PRKAG3: variants seen among roughly 807,000 people sequenced by gnomAD.
PRKAG3 encodes protein kinase AMP-activated non-catalytic subunit gamma 3.
A neutral mutation model predicts 56.5 loss-of-function variants in PRKAG3; 39 were observed. The ratio of observed to expected loss-of-function variants is 0.69; its 90% CI spans 0.53 to 0.90. The LOEUF (loss-of-function observed/expected upper bound fraction) is 0.90, where lower values mean the gene tolerates loss of function less well. Among genes scored for constraint, PRKAG3 ranks in the 40% least tolerant of loss-of-function variants. The pLI is 0.00. For synonymous variants in PRKAG3, 243 were observed against 250.1 expected, an observed-to-expected ratio of 0.97 and a Z score of 0.27; for missense variants, 628 against 627.5, an observed-to-expected ratio of 1.00 and a Z score of -0.01.
chr2:218,828,435 T>C, intron 5 of PRKAG3, 84 bp downstream of exon 5: 1 of 1,377,116 alleles, frequency 7.3e-7, no homozygotes, highest in Non-Finnish European at 9.9e-7. Context: ...GCTTGTGGTA[T>C]ATCAGAGATC....
exon 3 of PRKAG3, chr2:218,830,817 C>T (rs369639527): frequency 9.3e-6 from 15 of 1,613,638 alleles, no homozygotes; most frequent in African/African-American, 2.7e-5. Context: ...TTTGGCCCTC[C>T]GTTTCCCACG....
chr2:218,823,519 A>T (rs1943884105), exon 13 of PRKAG3: 2 of 642,486 alleles, frequency 3.1e-6, no homozygotes, highest in East Asian at 3.5e-5. Context: ...GAGTCCTTAC[A>T]CTTGCAGTTT....
At chr2:218,824,197 G>T (rs1200817223) in intron 12 of PRKAG3, 25 bp downstream of exon 12, 1 of 1,614,032 alleles carries the variant, frequency 6.2e-7, no homozygotes, top group Non-Finnish European at 8.5e-7. Flanking sequence ...ATGTGTTGGG[G>T]GCATGAATGG....
chr2:218,826,898 G>A, intron 10 of PRKAG3, 30 bp downstream of exon 10: 1 of 1,613,404 alleles, frequency 6.2e-7, no homozygotes, highest in South Asian at 1.1e-5. Flanking sequence ...CCCCAGCCCA[G>A]CCCGAGCCTC....
chr2:218,823,157 G>A (rs1943879336), downstream of PRKAG3: 1 of 725,796 alleles, frequency 1.4e-6, no homozygotes. Context: ...TGCCAGCCAT[G>A]GTGAGTAGAT....
At chr2:218,830,556 G>C (rs1466955806) in intron 3 of PRKAG3, among the ~76,000 whole-genome samples, 175 bp from the exon 4 acceptor site, 2 of 152,230 alleles carry the variant, frequency 1.3e-5, no homozygotes, top group African/African-American at 4.8e-5. Flanking sequence ...CCATCTTTCT[G>C]AGTTGGCCAT....
At position 218,827,304 on chromosome 2, in the gene PRKAG3, T is replaced by C; in HGVS notation, c.945A>G (p.Ser315=). 1 of 1,614,186 alleles carries C rather than the reference T, an allele frequency of 6.2e-7. No homozygotes were observed. Among genetic ancestry groups the C allele is most frequent in the Non-Finnish European group, 8.5e-7 (1 of 1,180,036 alleles). The change falls in exon 9 of 13, where the codon TCA becomes TCG. Residue 315 remains serine, a synonymous_variant. Coordinates refer to ENST00000529249, the Ensembl canonical transcript of PRKAG3. This position sits in a 1 kb window ranked among gnomAD's most constrained non-coding sequence, Gnocchi z 5.3. ...GTGTGAGGATGTGGAGTACGTTGCC[T>C]GACACCGGGTCAAGAACAGGCAGGC...
intron 5 of PRKAG3, 92 bp from the exon 6 acceptor site, chr2:218,828,154 T>G: frequency 8.2e-7 from 1 of 1,215,718 alleles, no homozygotes; most frequent in Non-Finnish European, 1.2e-6. Context: ...GCCAGTGTCC[T>G]TGTGCTGAGA....
intron 4 of PRKAG3, 21 bp from the exon 5 acceptor site, chr2:218,828,621 G>C (rs1158082499): frequency 1.2e-6 from 2 of 1,606,154 alleles, no homozygotes; most frequent in Non-Finnish European, 1.7e-6. Context: ...AGGGAGAACA[G>C]TCAAGGGTGG....
chr2:218,831,295 G>C (rs918996808), intron 2 of PRKAG3, 41 bp downstream of exon 2: 3 of 1,491,820 alleles, frequency 2.0e-6, no homozygotes, highest in African/African-American at 2.8e-5. Context: ...CAAGGAGGTG[G>C]GGGAAGAGGT....
chr2:218,828,159 C>T, intron 5 of PRKAG3, 97 bp from the exon 6 acceptor site: 3 of 1,186,858 alleles, frequency 2.5e-6, no homozygotes, highest in East Asian at 2.6e-5. Context: ...TGTCCTTGTG[C>T]TGAGACACAG....
chr2:218,826,601 G>A (rs1943935622), intron 10 of PRKAG3: 1 of 369,312 alleles, frequency 2.7e-6, no homozygotes, highest in Non-Finnish European at 5.3e-6. Flanking sequence ...TGCACCACGT[G>A]TCCGGCTCCA....
At chr2:218,823,022 G>A, downstream of PRKAG3, 1 of 984,544 alleles carries the variant, frequency 1.0e-6, no homozygotes, top group Non-Finnish European at 1.2e-6. Context: ...GGGCATGCCC[G>A]AGGGCTTCTG....
chr2:218,831,368 G>A lies in PRKAG3; in HGVS notation c.41C>T (p.Ser14Phe), dbSNP rs758615697. 37 of 1,602,654 alleles carry A rather than the reference G, an allele frequency of 2.3e-5. No homozygotes were observed. The South Asian group carries it at 4.0e-4, about 17-fold the overall frequency. ...CTCAGAACCCCCAAGGCTGCTCCAGGAAGGGGTCTGTGGGGAGAAGAGTTT... is the reference window on the plus strand; with the variant it reads ...CTCAGAACCCCCAAGGCTGCTCCAGAAAGGGGTCTGTGGGGAGAAGAGTTT... The change falls in exon 2 of 13, where the codon TCC (serine) becomes TTC (phenylalanine). Residue 14 changes from serine to phenylalanine, a missense_variant. By Grantham distance (155) the Ser-to-Phe change is radical. Transcript: ENST00000529249.
At chr2:218,823,750 A>C in exon 13 of PRKAG3, 1 of 1,613,742 alleles carries the variant, frequency 6.2e-7, no homozygotes, top group African/African-American at 1.3e-5. Context: ...GGGATTGAGG[A>C]CTCAGATCTT....
At position 218,827,965 on chromosome 2, in the gene PRKAG3, C is replaced by G. The variant is rs377644280; in HGVS notation, c.774+39G>C. The G allele has an allele frequency of 6.3e-7, 1 of 1,593,928 alleles. No individual in the cohort carries two copies. Among genetic ancestry groups the G allele is most frequent in the Non-Finnish European group, 8.6e-7 (1 of 1,169,040 alleles). On this transcript the variant is annotated intron_variant, in intron 6 of 12. Transcript: ENST00000529249. This position sits in a 1 kb window ranked among gnomAD's most constrained non-coding sequence, Gnocchi z 5.3. ...CAGGAGGACTCCCCTCCGCCCCCGCCCCTCTGGGTGCCCATAAGATTCCCA... is the reference window on the plus strand; with the variant it reads ...CAGGAGGACTCCCCTCCGCCCCCGCGCCTCTGGGTGCCCATAAGATTCCCA...
intron 4 of PRKAG3, among the ~76,000 whole-genome samples, chr2:218,829,126 C>A (rs543188884): frequency 1.3e-5 from 2 of 152,044 alleles, no homozygotes; most frequent in Non-Finnish European, 2.9e-5. Flanking sequence ...TATTTTTTCA[C>A]GAACCATTAG....
downstream of PRKAG3, chr2:218,822,878 G>A (rs1197210993): frequency 2.3e-5 from 23 of 985,224 alleles, no homozygotes; most frequent in African/African-American, 1.6e-4. Context: ...GGGGCCATCC[G>A]ACCCAGTCAG....
At chr2:218,828,244 C>A (rs1943966462) in intron 5 of PRKAG3, among the ~76,000 whole-genome samples, 182 bp from the exon 6 acceptor site, 1 of 152,206 alleles carries the variant, frequency 6.6e-6, no homozygotes, top group Non-Finnish European at 1.5e-5. Context: ...CCTGCCTCCC[C>A]CCATTTGCTC....
Sources: gnomAD v4.1 joint callset for allele counts (sites outside exome capture counted in the v4.1 genomes callset) on GRCh38, gnomAD v4.1.1 for gene constraint, Gnocchi (gnomAD v3.1) non-coding constraint, MANE v1.5 for transcripts, NCBI Gene and HGNC (gene_info 2026-07-23, HGNC 2026-07-21) for gene names.